The following CCDC171 variants were observed in gnomAD, a reference collection of about 807,000 sequenced individuals.
CCDC171 encodes coiled-coil domain-containing protein 171.
In CCDC171, 177 loss-of-function variants were observed where a neutral mutation model predicts 168.2. The observed-to-expected ratio is 1.05, with a 90% CI of 0.93 to 1.19. The LOEUF is 1.19. CCDC171 is among the 50% of genes most tolerant of loss of function. CCDC171 has a pLI of 0.00. For synonymous variants in CCDC171, 687 were observed against 540.8 expected (o/e 1.27, Z -3.75); for missense variants, 1,991 against 1,539.0 (o/e 1.29, Z -4.91).
intron 6 of CCDC171, among the ~76,000 whole-genome samples, chr9:16,027,418 C>A (rs369594797): frequency 6.6e-6 from 1 of 152,066 alleles, no homozygotes; most frequent in Non-Finnish European, 1.5e-5. Context: ...GGGTGGAGGG[C>A]GTCTCCACCA....
At chr9:15,650,883 G>C (rs771098608) in intron 7 of CCDC171, among the ~76,000 whole-genome samples, 2 of 151,852 alleles carry the variant, frequency 1.3e-5, no homozygotes, top group African/African-American at 4.8e-5. Context: ...CTCTCTTCCA[G>C]CTATTTTAAA....
chr9:15,767,030 A>G (rs758820301), intron 18 of CCDC171, among the ~76,000 whole-genome samples: 2 of 152,228 alleles, frequency 1.3e-5, no homozygotes, highest in Admixed American at 6.5e-5. Flanking sequence ...ACAGCATACC[A>G]GGAATGATAT....
intron 18 of CCDC171, among the ~76,000 whole-genome samples, chr9:15,748,795 G>A (rs1248661297): frequency 1.3e-5 from 2 of 152,116 alleles, no homozygotes; most frequent in Non-Finnish European, 2.9e-5. Context: ...TCACCACCAG[G>A]CCTGCCTTAC....
intron 8 of CCDC171, 84 bp from the exon 9 acceptor site, chr9:15,666,079 G>C: frequency 2.5e-6 from 3 of 1,205,962 alleles, no homozygotes; most frequent in Non-Finnish European, 3.5e-6. Context: ...ATGATAATCT[G>C]TTACTGACAA....
At chr9:15,916,942 A>T (rs1824611874) in intron 24 of CCDC171, among the ~76,000 whole-genome samples, 1 of 151,960 alleles carries the variant, frequency 6.6e-6, no homozygotes. Flanking sequence ...AAGGATGACA[A>T]CAGGATAAGT....
intron 6 of CCDC171, among the ~76,000 whole-genome samples, chr9:15,614,742 T>C (rs2043959839): frequency 6.6e-6 from 1 of 152,246 alleles, no homozygotes; most frequent in African/African-American, 2.4e-5. Context: ...TGTTTTCTCA[T>C]TTTAAGAGTG....
chr9:15,687,427 TAA>T (rs56774944), intron 10 of CCDC171, among the ~76,000 whole-genome samples: 122 of 148,270 alleles, frequency 8.2e-4, no homozygotes, highest in Middle Eastern at 3.5e-3. Context: ...CCCCGTCTCT[TAA>T]AAAAAAAAAA....
chr9:15,967,416 C>G lies in CCDC171; in HGVS notation c.3754-4193C>G, dbSNP rs1202163412. On this transcript the variant is annotated intron_variant, in intron 25 of 25. Coordinates refer to ENST00000380701, the MANE Select transcript of CCDC171 (RefSeq NM_173550.4). ...CCACATCATCTAAATTGTGGCTAATCTTGTTATCTATTTGGCTTTATTTTA... is the reference window on the plus strand; with the variant it reads ...CCACATCATCTAAATTGTGGCTAATGTTGTTATCTATTTGGCTTTATTTTA... Among the ~76,000 whole-genome samples the G allele has an allele frequency of 1.3e-5, 2 of 152,172 alleles. 1 individual carries two copies. Among genetic ancestry groups the G allele is most frequent in the Admixed American group, 1.3e-4 (2 of 15,274 alleles).
At chr9:16,077,655 A>C in the CCDC171 span, among the ~76,000 whole-genome samples, 1 of 152,218 alleles carries the variant, frequency 6.6e-6, no homozygotes, top group African/African-American at 2.4e-5. Context: ...GCTGAAGCTC[A>C]GCCTACATCA....
At chr9:15,895,967 T>C (rs1017610982) in intron 24 of CCDC171, among the ~76,000 whole-genome samples, 1 of 152,080 alleles carries the variant, frequency 6.6e-6, no homozygotes. Flanking sequence ...TTGCCTTTTA[T>C]GGTTTTCATG....
chr9:15,871,271 A>G (rs1478437552), intron 23 of CCDC171, among the ~76,000 whole-genome samples: 1 of 151,798 alleles, frequency 6.6e-6, no homozygotes, highest in African/African-American at 2.4e-5. Flanking sequence ...AAGAAGAAAA[A>G]CATTGTATAC....
intron 21 of CCDC171, among the ~76,000 whole-genome samples, chr9:15,789,356 A>G (rs2058129797): frequency 6.6e-6 from 1 of 152,214 alleles, no homozygotes; most frequent in Admixed American, 6.5e-5. Flanking sequence ...ACCTATACCA[A>G]TATTAATCCT....
At chr9:15,671,331 T>G (rs533012171) in intron 9 of CCDC171, among the ~76,000 whole-genome samples, 27 of 149,770 alleles carry the variant, frequency 1.8e-4, no homozygotes, top group African/African-American at 6.4e-4. Context: ...TCTGGAAAAG[T>G]TTTTTTTTTA....
intron 21 of CCDC171, among the ~76,000 whole-genome samples, chr9:15,788,428 C>A (rs1191601242): frequency 6.6e-6 from 1 of 151,750 alleles, no homozygotes; most frequent in African/African-American, 2.4e-5. Context: ...TGCATAACTT[C>A]TTTTAAAAAA....
At chr9:15,662,245 C>T (rs565030305) in intron 8 of CCDC171, among the ~76,000 whole-genome samples, 1 of 152,288 alleles carries the variant, frequency 6.6e-6, no homozygotes, top group East Asian at 1.9e-4. Context: ...CCACTGCACT[C>T]CAGCCTGGGT....
intron 9 of CCDC171, among the ~76,000 whole-genome samples, chr9:15,667,571 G>A (rs956218111): frequency 2.0e-5 from 3 of 152,098 alleles, no homozygotes; most frequent in African/African-American, 7.2e-5. Context: ...ACCTGAACCC[G>A]GGAGGCAGAG....
chr9:15,604,600 G>A (rs923112528), intron 6 of CCDC171, among the ~76,000 whole-genome samples: 8 of 152,142 alleles, frequency 5.3e-5, no homozygotes, highest in African/African-American at 1.7e-4. Context: ...GACGGTATGG[G>A]AAGTGTAGCT....
chr9:15,793,625 C>G (rs1008455214), intron 21 of CCDC171, among the ~76,000 whole-genome samples: 4 of 135,124 alleles, frequency 3.0e-5, no homozygotes, highest in Non-Finnish European at 4.6e-5. Context: ...TCTCAACTCA[C>G]TGCAAGCTCT....
chr9:16,009,528 C>G (rs1282741904), intron 3 of CCDC171, among the ~76,000 whole-genome samples: 1 of 152,086 alleles, frequency 6.6e-6, no homozygotes, highest in African/African-American at 2.4e-5. Flanking sequence ...TTATCTTGGA[C>G]CCGTTATCTT....
Sources: gnomAD v4.1 joint callset for allele counts (sites outside exome capture counted in the v4.1 genomes callset) on GRCh38, gnomAD v4.1.1 for gene constraint, MANE v1.5 for transcripts, NCBI Gene and HGNC (gene_info 2026-07-23, HGNC 2026-07-21) for gene names.